The following MYO3A variants were observed in gnomAD, a reference collection of about 807,000 sequenced individuals.
MYO3A encodes the protein myosin IIIA, also known as myosin-IIIa.
MYO3A carries 180 observed loss-of-function variants against 192.7 expected under a neutral mutation model. That is an observed-to-expected ratio of 0.93 (90% CI 0.83 to 1.06). The LOEUF is 1.06. Ranked by LOEUF, MYO3A falls within the 50% of genes least tolerant of loss-of-function variation. The pLI is 0.00. For missense variants in MYO3A, 1,896 were observed against 1,905.0 expected (o/e 1.00, Z 0.09); for synonymous variants, 628 against 645.3 (o/e 0.97, Z 0.41).
At chr10:25,941,453 T>C (rs553990103) in intron 2 of MYO3A, among the ~76,000 whole-genome samples, 2 of 152,258 alleles carry the variant, frequency 1.3e-5, no homozygotes, top group African/African-American at 4.8e-5. Flanking sequence ...GAGATGTCGG[T>C]CCCCGAGATT....
chr10:26,198,780 C>T (rs1027046110), intron 32 of MYO3A, among the ~76,000 whole-genome samples: 3 of 152,160 alleles, frequency 2.0e-5, no homozygotes, highest in African/African-American at 7.2e-5. Context: ...TCAAGAAACA[C>T]CCAAGCCAGA....
At chr10:26,042,040 G>C (rs1007828230) in intron 10 of MYO3A, among the ~76,000 whole-genome samples, 1 of 151,956 alleles carries the variant, frequency 6.6e-6, no homozygotes, top group Non-Finnish European at 1.5e-5. Context: ...TGTTTGTGTG[G>C]GAAAGTCTTT....
rs781523042 is a variant in MYO3A, at chr10:26,176,835, G to A, written c.4428G>A (p.Gln1476=). Residue 1476 remains glutamine (Q), a synonymous_variant, in exon 31 of 35, where the codon CAG becomes CAA. Coordinates refer to ENST00000642920, the MANE Select transcript of MYO3A (RefSeq NM_017433.5). ...KPINRRVSSQ[Q]CLSGVCKGEE... ...TTAATAGACGAGTTTCTTCTCAGCA[G>A]TGCCTCTCAGGTAAAAATCAGTAGA... The A allele has an allele frequency of 6.8e-6, 11 of 1,614,056 alleles. No individual in the cohort carries two copies. The African/African-American group carries it at 1.3e-4, about 20-fold the overall frequency.
chr10:25,965,557 G>A (rs1838206176), intron 4 of MYO3A, among the ~76,000 whole-genome samples: 1 of 152,076 alleles, frequency 6.6e-6, no homozygotes, highest in Non-Finnish European at 1.5e-5. Context: ...GTCTCAGTTC[G>A]TTGCGTGATC....
chr10:25,967,330 G>A (rs1005613002), intron 4 of MYO3A, among the ~76,000 whole-genome samples: 5 of 152,176 alleles, frequency 3.3e-5, no homozygotes, highest in African/African-American at 4.8e-5. Context: ...GTTACTACCA[G>A]CCAAAATGGG....
chr10:26,168,712 G>A lies in MYO3A; in HGVS notation c.3112G>A (p.Val1038Met). The change falls in exon 28 of 35, where the codon GTG becomes ATG. Residue 1038 changes from valine (V) to methionine (M), a missense_variant and splice_region_variant. Coordinates refer to ENST00000642920, the MANE Select transcript of MYO3A (RefSeq NM_017433.5). ...TTTGTATTATATTTTAATTTTTCAG[G>A]TGTTCCTTAAGTATTATCACGTGGA... ...LDNWALGKTK[V>M]FLKYYHVEQL... is the part of the protein sequence containing the mutation. 6.2e-7 allele frequency: 1 copy of A among 1,612,100 alleles called. No homozygotes were observed. Among genetic ancestry groups the A allele is most frequent in the Non-Finnish European group, 8.5e-7 (1 of 1,179,190 alleles).
At chr10:26,034,926 CGTGTGT>C (rs146134022) in intron 10 of MYO3A, among the ~76,000 whole-genome samples, 2 of 147,690 alleles carry the variant, frequency 1.4e-5, no homozygotes, top group Admixed American at 6.8e-5. Context: ...TTACATGAAG[CGTGTGT>C]GTGTGTGTGT....
At chr10:26,009,888 A>G (rs1588767116) in intron 6 of MYO3A, among the ~76,000 whole-genome samples, 1 of 152,220 alleles carries the variant, frequency 6.6e-6, no homozygotes, top group East Asian at 1.9e-4. Flanking sequence ...AGAGAGGACA[A>G]TGGAGCAGGT....
chr10:26,193,207 G>A lies in MYO3A; in HGVS notation c.4441G>A (p.Val1481Ile). The change falls in exon 32 of 35, where the codon GTC (valine) becomes ATC (isoleucine). Residue 1481 changes from valine (V) to isoleucine (I), a missense_variant and splice_region_variant. Physicochemically the swap from Val to Ile is conservative, Grantham distance 29 (BLOSUM62 3). Coordinates refer to ENST00000642920, the MANE Select transcript of MYO3A (RefSeq NM_017433.5). ...GTTTATGATCACCTTTCTTATAGGT[G>A]TCTGTAAAGGAGAGGAGCCAAAAAT... ...RVSSQQCLSG[V>I]CKGEEPKILR... 1 of 1,606,544 alleles carries A rather than the reference G, an allele frequency of 6.2e-7. No individual in the cohort carries two copies. The highest frequency in any genetic ancestry group is 8.5e-7 in the Non-Finnish European group (1 of 1,173,288).
intron 17 of MYO3A, among the ~76,000 whole-genome samples, chr10:26,111,270 A>G (rs959107654): frequency 3.3e-5 from 5 of 152,116 alleles, no homozygotes; most frequent in East Asian, 1.9e-4. Flanking sequence ...ATTCCAGGTG[A>G]TATGTGGCCC....
intron 4 of MYO3A, among the ~76,000 whole-genome samples, chr10:25,968,568 T>C (rs941769315): frequency 3.9e-5 from 6 of 152,228 alleles, no homozygotes; most frequent in Non-Finnish European, 5.9e-5. Context: ...ACTACAATTA[T>C]AACTCTATAT....
At chr10:26,099,369 G>C (rs973821376) in intron 17 of MYO3A, among the ~76,000 whole-genome samples, 17 of 152,178 alleles carry the variant, frequency 1.1e-4, no homozygotes, top group African/African-American at 3.1e-4. Flanking sequence ...GAGACAGTTT[G>C]ACTTCCTCTT....
intron 10 of MYO3A, among the ~76,000 whole-genome samples, chr10:26,064,383 T>TAGG (rs1195902528): frequency 1.3e-5 from 2 of 151,892 alleles, no homozygotes; most frequent in African/African-American, 4.8e-5. Flanking sequence ...AAGAATTGAG[T>TAGG]AGGAGGGATA....
chr10:26,201,548 T>C (rs1178920159), intron 33 of MYO3A, among the ~76,000 whole-genome samples: 1 of 151,380 alleles, frequency 6.6e-6, no homozygotes, highest in Non-Finnish European at 1.5e-5. Flanking sequence ...TAGCCGGGCG[T>C]AGTGGCAGGC....
Position 26,072,150 on chromosome 10 carries a change from C to G in MYO3A, c.1359+1749C>G, listed in dbSNP as rs191141273. ...AATTCACTCACTCTCATGAGAACAG[C>G]ATGGGGGAAACTGCCCCATGATCCA... On this transcript the variant is annotated intron_variant, in intron 14 of 34. Transcript: ENST00000642920. 5.0e-4 allele frequency among the ~76,000 whole-genome samples: 76 copies of G among 152,254 alleles called. No individual in the cohort carries two copies. In the East Asian group the frequency reaches 0.015, roughly 29 times the overall value.
At chr10:25,936,449 C>A (rs563631477) in intron 2 of MYO3A, among the ~76,000 whole-genome samples, 1 of 151,908 alleles carries the variant, frequency 6.6e-6, no homozygotes, top group Non-Finnish European at 1.5e-5. Context: ...GCTGCGTTTT[C>A]TTTTTCTTTT....
At chr10:25,985,417 C>T (rs1408782490) in intron 4 of MYO3A, among the ~76,000 whole-genome samples, 3 of 151,042 alleles carry the variant, frequency 2.0e-5, no homozygotes, top group Middle Eastern at 3.4e-3. Flanking sequence ...ACAAAAACAA[C>T]AGATAAATGA....
intron 4 of MYO3A, among the ~76,000 whole-genome samples, chr10:25,990,682 C>T (rs1839966326): frequency 1.6e-5 from 2 of 126,184 alleles, no homozygotes; most frequent in African/African-American, 6.1e-5. Context: ...CCACAACAGG[C>T]CCTGGTGTGT....
Position 26,187,238 on chromosome 10 carries a change from T to TA in MYO3A, c.4439-5956dup, listed in dbSNP as rs113253480. ...TCTAGAGACTTCGAGTTCCACTATT[T>TA]AAAAAAAAAAATTCACAGTGAAAAA... On this transcript the variant is annotated intron_variant, in intron 31 of 34. Coordinates refer to ENST00000642920, the MANE Select transcript of MYO3A (RefSeq NM_017433.5). Among the ~76,000 whole-genome samples, 86 of 148,946 alleles carry TA rather than the reference T, an allele frequency of 5.8e-4. 1 individual carries two copies. In the South Asian group the frequency reaches 7.5e-3, roughly 13 times the overall value.
Sources: gnomAD v4.1 joint callset for allele counts (sites outside exome capture counted in the v4.1 genomes callset) on GRCh38, gnomAD v4.1.1 for gene constraint, MANE v1.5 for transcripts, NCBI Gene and HGNC (gene_info 2026-07-23, HGNC 2026-07-21) for gene names.